ATG4C: variants seen among roughly 807,000 people sequenced by gnomAD.
The protein encoded by ATG4C is autophagy related 4C cysteine peptidase, also known as cysteine protease ATG4C.
ATG4C carries 56 observed loss-of-function variants against 57.6 expected under a neutral mutation model. The observed-to-expected ratio is 0.97, with a 90% CI of 0.78 to 1.21. The LOEUF is 1.21. Among genes scored for constraint, ATG4C ranks in the 50% most tolerant of loss-of-function variants. The pLI is 0.00. For missense variants in ATG4C, 595 were observed against 529.8 expected (o/e 1.12, Z -1.21); for synonymous variants, 157 against 174.1 (o/e 0.90, Z 0.78).
chr1:62,833,947 G>T lies in ATG4C; in HGVS notation c.934-91G>T. ...AATGATAACTGGTAGTGGTAAATTT[G>T]GGAGCTACTAATATTAGTAATAGAA... On this transcript the variant is annotated intron_variant, in intron 7 of 10. Coordinates refer to ENST00000317868, the MANE Select transcript of ATG4C (RefSeq NM_032852.4). The T allele has an allele frequency of 2.8e-6, 3 of 1,056,268 alleles. No individual in the cohort carries two copies. In the South Asian group the frequency reaches 4.7e-5, roughly 16 times the overall value. The allele number at this position is 1,056,268 out of a possible 1,614,324, so 65.4% of individuals were successfully genotyped here.
At chr1:62,807,170 A>T (rs999876199) in intron 3 of ATG4C, among the ~76,000 whole-genome samples, 1 of 152,328 alleles carries the variant, frequency 6.6e-6, no homozygotes, top group East Asian at 1.9e-4. Context: ...GGAATTATAT[A>T]TATTAGTTTC....
intron 10 of ATG4C, among the ~76,000 whole-genome samples, chr1:62,854,844 T>C (rs1209130153): frequency 6.6e-6 from 1 of 152,172 alleles, no homozygotes; most frequent in Non-Finnish European, 1.5e-5. Flanking sequence ...TTGCCGTCTC[T>C]TAAGAGCCTG....
chr1:62,817,413 A>G (rs1468843229), intron 4 of ATG4C, among the ~76,000 whole-genome samples: 1 of 152,202 alleles, frequency 6.6e-6, no homozygotes, highest in Non-Finnish European at 1.5e-5. Flanking sequence ...TGATGTAATC[A>G]TAGCTCATTG....
intron 6 of ATG4C, among the ~76,000 whole-genome samples, chr1:62,828,257 A>T (rs181578774): frequency 4.6e-5 from 7 of 152,230 alleles, no homozygotes; most frequent in African/African-American, 1.7e-4. Context: ...ACTAATCTAC[A>T]CTCCCACCAG....
Position 62,818,325 on chromosome 1 carries a change from C to T in ATG4C, c.395-680C>T, listed in dbSNP as rs182228754. On this transcript the variant is annotated intron_variant, in intron 4 of 10. Transcript: ENST00000317868. Reference sequence around the variant, plus strand: ...TATTTTAACATATAATCAAAACATCCACTTTCTGAAGATATCTTCTTATGA... The same window carrying T: ...TATTTTAACATATAATCAAAACATCTACTTTCTGAAGATATCTTCTTATGA... Among the ~76,000 whole-genome samples, 358 of 152,136 alleles carry T rather than the reference C, an allele frequency of 2.4e-3. 3 individuals carry two copies. Among genetic ancestry groups the T allele is most frequent in the African/African-American group, 8.3e-3 (345 of 41,538 alleles).
At chr1:62,788,731 T>C (rs1051489498) in intron 1 of ATG4C, among the ~76,000 whole-genome samples, 5 of 152,208 alleles carry the variant, frequency 3.3e-5, no homozygotes, top group Non-Finnish European at 7.4e-5. Flanking sequence ...ATTTAGTACT[T>C]ATATGTCTAT....
In ATG4C at chr1:62,788,369, A is replaced by G. The variant is rs538173158; in HGVS notation, c.-69+4096A>G. On this transcript the variant is annotated intron_variant, in intron 1 of 10. Coordinates refer to ENST00000317868, the MANE Select transcript of ATG4C (RefSeq NM_032852.4). The stretch of plus-strand genomic sequence containing the variant: ...TTACCTAGATTCACTAGTTGTTAAC[A>G]TAGTGCCTCTTTTGCTCTCATTCCT... 3.9e-5 allele frequency among the ~76,000 whole-genome samples: 6 copies of G among 152,044 alleles called. No homozygotes were observed. In the South Asian group the frequency reaches 1.2e-3, roughly 31 times the overall value.
chr1:62,815,882 A>G (rs1260835719), intron 3 of ATG4C, among the ~76,000 whole-genome samples: 4 of 151,968 alleles, frequency 2.6e-5, no homozygotes, highest in Admixed American at 2.6e-4. Context: ...ATGGGGTTTC[A>G]CCATGTTGTC....
At chr1:62,854,734 A>T (rs1270616642) in intron 10 of ATG4C, among the ~76,000 whole-genome samples, 4 of 152,166 alleles carry the variant, frequency 2.6e-5, no homozygotes, top group African/African-American at 9.7e-5. Flanking sequence ...TCATACTAGG[A>T]TGATCATGTA....
At chr1:62,809,641 A>G (rs970527427) in intron 3 of ATG4C, among the ~76,000 whole-genome samples, 3 of 147,834 alleles carry the variant, frequency 2.0e-5, no homozygotes, top group African/African-American at 7.4e-5. Flanking sequence ...ATATATACAT[A>G]TATGTATATA....
At chr1:62,794,363 A>G (rs552232545) in intron 1 of ATG4C, among the ~76,000 whole-genome samples, 3 of 152,328 alleles carry the variant, frequency 2.0e-5, no homozygotes, top group African/African-American at 7.2e-5. Flanking sequence ...TAAGAGAAGA[A>G]TGCATTGGTA....
At chr1:62,846,165 G>A (rs11208047) in intron 10 of ATG4C, among the ~76,000 whole-genome samples, 95,472 of 152,048 alleles carry the variant, frequency 0.63, 30,180 homozygotes, top group African/African-American at 0.7. Context: ...ATGACCCTAC[G>A]TTGCCAAGTC....
At chr1:62,816,520 G>T in intron 3 of ATG4C, 55 bp from the exon 4 acceptor site, 2 of 1,210,882 alleles carry the variant, frequency 1.7e-6, no homozygotes, top group Admixed American at 2.5e-5. Flanking sequence ...GATAATGTTT[G>T]TTACCATTAT....
chr1:62,858,769 T>G (rs1203221014), intron 10 of ATG4C, among the ~76,000 whole-genome samples: 3 of 152,164 alleles, frequency 2.0e-5, no homozygotes, highest in Non-Finnish European at 4.4e-5. Flanking sequence ...AAGAAAGTAT[T>G]TTTTTAAGAG....
intron 10 of ATG4C, among the ~76,000 whole-genome samples, chr1:62,860,395 T>G (rs764002697): frequency 2.0e-5 from 3 of 152,230 alleles, no homozygotes; most frequent in Non-Finnish European, 4.4e-5. Flanking sequence ...CTGTACATAA[T>G]TTTATCTGCC....
chr1:62,810,180 T>C (rs1665031569), intron 3 of ATG4C, among the ~76,000 whole-genome samples: 1 of 152,178 alleles, frequency 6.6e-6, no homozygotes, highest in African/African-American at 2.4e-5. Flanking sequence ...TGAATAAAGT[T>C]ATTCATTCAT....
chr1:62,857,815 A>G (rs1666732143), intron 10 of ATG4C, among the ~76,000 whole-genome samples: 3 of 152,148 alleles, frequency 2.0e-5, no homozygotes, highest in African/African-American at 4.8e-5. Context: ...CTTTTTTGCT[A>G]AAGAATCCTG....
chr1:62,791,732 G>A (rs142446922), intron 1 of ATG4C, among the ~76,000 whole-genome samples: 2 of 152,254 alleles, frequency 1.3e-5, no homozygotes, highest in African/African-American at 4.8e-5. Context: ...CAGTTACCCA[G>A]TCATCTCTTA....
chr1:62,823,591 A>G (rs917455584), intron 6 of ATG4C, among the ~76,000 whole-genome samples: 4 of 152,182 alleles, frequency 2.6e-5, no homozygotes, highest in Non-Finnish European at 4.4e-5. Flanking sequence ...CTACAAACCA[A>G]TGACTGCCCA....
Sources: gnomAD v4.1 joint callset for allele counts (sites outside exome capture counted in the v4.1 genomes callset) on GRCh38, gnomAD v4.1.1 for gene constraint, MANE v1.5 for transcripts, NCBI Gene and HGNC (gene_info 2026-07-23, HGNC 2026-07-21) for gene names.